Variants in ALDH7A1 observed in about 807,000 individuals in gnomAD.
The protein encoded by ALDH7A1 is alpha-aminoadipic semialdehyde dehydrogenase.
A neutral mutation model predicts 79.9 loss-of-function variants in ALDH7A1; 63 were observed. That is an observed-to-expected ratio of 0.79 (90% CI 0.64 to 0.97). ALDH7A1 has a LOEUF of 0.97. Among genes scored for constraint, ALDH7A1 ranks in the 50% least tolerant of loss-of-function variants. The pLI, the probability that ALDH7A1 is intolerant of heterozygous loss-of-function variation, is 0.00. For synonymous variants in ALDH7A1, 240 were observed against 231.2 expected, an observed-to-expected ratio of 1.04 and a Z score of -0.34; for missense variants, 627 against 665.2, an observed-to-expected ratio of 0.94 and a Z score of 0.63.
chr5:126,583,864 A>G lies in ALDH7A1; in HGVS notation c.393+68T>C, dbSNP rs1479064280. On this transcript the variant is annotated intron_variant, in intron 4 of 17. Transcript: ENST00000409134. Reference sequence around the variant, plus strand: ...AAAAAAAAAAACCTCACAATTTTATATATAGAAAAGCATGACAGCCTTATT... The same window carrying G: ...AAAAAAAAAAACCTCACAATTTTATGTATAGAAAAGCATGACAGCCTTATT... The G allele has an allele frequency of 3.0e-6, 4 of 1,314,540 alleles. No individual in the cohort carries two copies. The East Asian group carries it at 6.9e-5, about 23-fold the overall frequency. The allele number at this position is 1,314,540 out of a possible 1,614,324, so 81.4% of individuals were successfully genotyped here. A position where few individuals can be genotyped will look rare whatever the true frequency, so the allele number is the denominator to read the frequency against.
intron 7 of ALDH7A1, among the ~76,000 whole-genome samples, chr5:126,573,673 G>A (rs1750859184): frequency 6.6e-6 from 1 of 150,482 alleles, no homozygotes; most frequent in Non-Finnish European, 1.5e-5. Context: ...ACTCTAGCCT[G>A]GTGACAGAGC....
At chr5:126,579,913 T>C (rs1751114271) in intron 5 of ALDH7A1, 1 of 164,434 alleles carries the variant, frequency 6.1e-6, no homozygotes, top group African/African-American at 2.4e-5. Flanking sequence ...GGGGCTATAA[T>C]CACACCACTG....
intron 16 of ALDH7A1, 36 bp from the exon 17 acceptor site, chr5:126,546,435 C>G (rs753696094): frequency 6.3e-7 from 1 of 1,595,942 alleles, no homozygotes; most frequent in Admixed American, 1.7e-5. Context: ...ATCTTCTGAG[C>G]AGTTTCCATG....
At chr5:126,551,347 C>T (rs1166557689) in intron 14 of ALDH7A1, among the ~76,000 whole-genome samples, 3 of 151,504 alleles carry the variant, frequency 2.0e-5, no homozygotes, top group Admixed American at 6.6e-5. Flanking sequence ...TGGAGTCTCA[C>T]TCTGTTGCCC....
chr5:126,571,278 C>G, intron 7 of ALDH7A1: 1 of 234,408 alleles, frequency 4.3e-6, no homozygotes, highest in South Asian at 5.4e-5. Flanking sequence ...AGGAGTTCAA[C>G]ACCAGCCTGG....
chr5:126,546,019 G>T (rs1186921742), intron 17 of ALDH7A1, among the ~76,000 whole-genome samples: 2 of 151,864 alleles, frequency 1.3e-5, no homozygotes, highest in Non-Finnish European at 2.9e-5. Flanking sequence ...AGGCCAAGGC[G>T]GGTGGATCAC....
intron 9 of ALDH7A1, among the ~76,000 whole-genome samples, chr5:126,563,499 C>CT (rs1486375122): frequency 6.6e-6 from 1 of 151,950 alleles, no homozygotes; most frequent in African/African-American, 2.4e-5. Context: ...GAATGCCATT[C>CT]TTTTTTTTCA....
At chr5:126,563,360 A>T (rs1208989460) in intron 9 of ALDH7A1, among the ~76,000 whole-genome samples, 1 of 152,250 alleles carries the variant, frequency 6.6e-6, no homozygotes, top group Non-Finnish European at 1.5e-5. Context: ...GCATTCCATC[A>T]TGATGACATA....
intron 12 of ALDH7A1, 143 bp downstream of exon 12, chr5:126,555,788 G>C: frequency 1.5e-6 from 1 of 682,456 alleles, no homozygotes; most frequent in East Asian, 3.1e-5. Flanking sequence ...GAGCAGACAC[G>C]ATACACCAAA....
In ALDH7A1 at chr5:126,559,250, G is replaced by A. The variant is rs144625212; in HGVS notation, c.998C>T (p.Ala333Val). Reference protein sequence around the residue: ...VGTAGQRCTTARRLFIHESIH... With the variant: ...VGTAGQRCTTVRRLFIHESIH... ...TGCAGATATACTCACCAGTCGCCTCGCAGTGGTACACCTCTGGCCAGCTGT... is the reference window on the plus strand; with the variant it reads ...TGCAGATATACTCACCAGTCGCCTCACAGTGGTACACCTCTGGCCAGCTGT... Residue 333 changes from alanine (A) to valine (V), a missense_variant, in exon 11 of 18, where the codon GCG becomes GTG. Coordinates refer to ENST00000409134, the MANE Select transcript of ALDH7A1 (RefSeq NM_001182.5). The A allele has an allele frequency of 1.5e-5, 25 of 1,613,534 alleles. No individual in the cohort carries two copies. In the African/African-American group the frequency reaches 2.0e-4, roughly 13 times the overall value.
intron 10 of ALDH7A1, among the ~76,000 whole-genome samples, chr5:126,560,602 A>G (rs572295093): frequency 6.6e-6 from 1 of 152,232 alleles, no homozygotes; most frequent in African/African-American, 2.4e-5. Context: ...AAAAGAGCAT[A>G]AGTAATCTCT....
intron 1 of ALDH7A1, chr5:126,594,223 C>A (rs1281953858): frequency 4.2e-6 from 2 of 470,866 alleles, no homozygotes; most frequent in Non-Finnish European, 8.8e-6. Context: ...AGTTCACAGC[C>A]CAACGTACAA....
In ALDH7A1 at chr5:126,552,158, A is replaced by G. The variant is rs185139330; in HGVS notation, c.1201-21T>C. The G allele has an allele frequency of 3.1e-6, 5 of 1,591,368 alleles. No individual in the cohort carries two copies. The African/African-American group carries it at 6.7e-5, about 21-fold the overall frequency. On this transcript the variant is annotated intron_variant, in intron 13 of 17. Transcript: ENST00000409134. ...ATAACCTAATGCAGAGAAATGAAAT[A>G]AAAAGAATGAAAGCATTTTGTTTTC...
At chr5:126,571,011 T>C in intron 7 of ALDH7A1, 152 bp from the exon 8 acceptor site, 1 of 727,412 alleles carries the variant, frequency 1.4e-6, no homozygotes, top group Non-Finnish European at 2.4e-6. Flanking sequence ...CACTTTTCAA[T>C]TTCTAAGTCA....
intron 3 of ALDH7A1, among the ~76,000 whole-genome samples, chr5:126,589,556 G>A (rs1166722855): frequency 6.6e-6 from 1 of 152,042 alleles, no homozygotes; most frequent in East Asian, 1.9e-4. Context: ...CAAGGTGGGT[G>A]GATCACGAGT....
At chr5:126,592,057 C>T (rs1751572183) in intron 3 of ALDH7A1, 1 of 153,112 alleles carries the variant, frequency 6.5e-6, no homozygotes, top group African/African-American at 2.4e-5. Flanking sequence ...CCTCAGCCTC[C>T]TGAGTAGGCT....
At chr5:126,565,967 A>G (rs1750568363) in intron 9 of ALDH7A1, among the ~76,000 whole-genome samples, 1 of 152,232 alleles carries the variant, frequency 6.6e-6, no homozygotes, top group South Asian at 2.1e-4. Flanking sequence ...CTGGTGCCAC[A>G]TAGTCTTGAT....
intron 9 of ALDH7A1, among the ~76,000 whole-genome samples, chr5:126,564,750 A>T (rs972027491): frequency 1.3e-5 from 2 of 152,168 alleles, no homozygotes; most frequent in Admixed American, 1.3e-4. Context: ...TGTTAAGAAG[A>T]GAAGGAAGGA....
intron 17 of ALDH7A1, 79 bp downstream of exon 17, chr5:126,546,245 G>T: frequency 3.1e-6 from 4 of 1,273,208 alleles, no homozygotes; most frequent in Admixed American, 1.7e-5. Flanking sequence ...CACAAAGACA[G>T]CACAGACAGT....
Sources: gnomAD v4.1 joint callset for allele counts (sites outside exome capture counted in the v4.1 genomes callset) on GRCh38, gnomAD v4.1.1 for gene constraint, MANE v1.5 for transcripts, NCBI Gene and HGNC (gene_info 2026-07-23, HGNC 2026-07-21) for gene names.